SORCS3: variants seen among roughly 807,000 people sequenced by gnomAD.
SORCS3 encodes VPS10 domain-containing receptor SorCS3.
SORCS3 carries 57 observed loss-of-function variants against 146.3 expected under a neutral mutation model. The ratio of observed to expected loss-of-function variants is 0.39; its 90% CI spans 0.31 to 0.49. The LOEUF (loss-of-function observed/expected upper bound fraction) is 0.49, where lower values mean the gene tolerates loss of function less well. Ranked by LOEUF, SORCS3 falls within the 20% of genes least tolerant of loss-of-function variation. The probability of loss-of-function intolerance (pLI) is 0.92; values close to 1 mark genes in which losing one functional copy is unlikely to be tolerated. For synonymous variants in SORCS3, 653 were observed against 618.5 expected, an observed-to-expected ratio of 1.06 and a Z score of -0.83; for missense variants, 1,341 against 1,575.5, an observed-to-expected ratio of 0.85 and a Z score of 2.52.
intron 7 of SORCS3, among the ~76,000 whole-genome samples, chr10:105,133,105 C>G (rs563763369): frequency 3.6e-4 from 55 of 152,306 alleles, no homozygotes; most frequent in Non-Finnish European, 7.1e-4. Context: ...TGTGAGGACT[C>G]TGCCCCTGAA....
intron 2 of SORCS3, among the ~76,000 whole-genome samples, chr10:104,906,959 T>C (rs2018910921): frequency 6.6e-6 from 1 of 152,202 alleles, no homozygotes; most frequent in Non-Finnish European, 1.5e-5. Flanking sequence ...TATTTTCCAC[T>C]AGATTTTATA....
Position 104,977,505 on chromosome 10 carries a change from C to T in SORCS3, c.954+12C>T, listed in dbSNP as rs776903997. On this transcript the variant is annotated intron_variant, in intron 4 of 26. Coordinates refer to ENST00000369701, the MANE Select transcript of SORCS3 (RefSeq NM_014978.3). ...GTTTGGATCAAAAGGTGAATAAATA[C>T]TATTTTCATTTACTTCTTGTCATCC... 14 of 1,586,538 alleles carry T rather than the reference C, an allele frequency of 8.8e-6. No homozygotes were observed. The highest frequency in any genetic ancestry group is 3.5e-5 in the Admixed American group (2 of 56,848).
At chr10:105,077,929 C>T (rs974109830) in intron 5 of SORCS3, among the ~76,000 whole-genome samples, 4 of 152,136 alleles carry the variant, frequency 2.6e-5, no homozygotes, top group African/African-American at 7.2e-5. Context: ...GGGGGAATAT[C>T]TATAATTTGG....
intron 2 of SORCS3, among the ~76,000 whole-genome samples, chr10:104,888,610 A>C (rs1353570699): frequency 6.6e-6 from 1 of 152,220 alleles, no homozygotes; most frequent in Non-Finnish European, 1.5e-5. Context: ...AATGGCAGGA[A>C]ATTTGTAGAT....
intron 14 of SORCS3, among the ~76,000 whole-genome samples, chr10:105,194,425 A>G (rs1200023836): frequency 1.3e-5 from 2 of 152,186 alleles, no homozygotes; most frequent in African/African-American, 4.8e-5. Context: ...GGGTTTGATT[A>G]TGTTGGTGAA....
At chr10:104,797,851 G>GT (rs2017575279) in intron 1 of SORCS3, among the ~76,000 whole-genome samples, 1 of 152,106 alleles carries the variant, frequency 6.6e-6, no homozygotes, top group South Asian at 2.1e-4. Context: ...GAGAAAAAAA[G>GT]TATCTTGGGT....
At chr10:105,173,184 C>T (rs1389345787) in intron 13 of SORCS3, among the ~76,000 whole-genome samples, 1 of 152,078 alleles carries the variant, frequency 6.6e-6, no homozygotes, top group Non-Finnish European at 1.5e-5. Context: ...TGGTGGTAAG[C>T]GCCTGTAGTC....
At chr10:104,918,900 T>A (rs1013702608) in intron 3 of SORCS3, among the ~76,000 whole-genome samples, 2 of 152,242 alleles carry the variant, frequency 1.3e-5, no homozygotes, top group Admixed American at 1.3e-4. Flanking sequence ...TTTGTACCTG[T>A]TTGTATCTGT....
intron 20 of SORCS3, among the ~76,000 whole-genome samples, chr10:105,240,832 A>G (rs1178511410): frequency 6.6e-6 from 1 of 152,048 alleles, no homozygotes; most frequent in Admixed American, 6.6e-5. Flanking sequence ...TCTCCAGTCC[A>G]GTCTCCAGAA....
intron 6 of SORCS3, among the ~76,000 whole-genome samples, chr10:105,098,876 A>G (rs2055764725): frequency 6.6e-6 from 1 of 152,180 alleles, no homozygotes; most frequent in Non-Finnish European, 1.5e-5. Context: ...TGAGATATTC[A>G]GTGTCACTTT....
intron 1 of SORCS3, among the ~76,000 whole-genome samples, chr10:104,831,636 G>C (rs539373576): frequency 6.6e-6 from 1 of 152,324 alleles, no homozygotes; most frequent in Non-Finnish European, 1.5e-5. Flanking sequence ...TCAGGGAAAG[G>C]AGTTTATGAG....
chr10:104,955,132 C>G (rs895975469), intron 3 of SORCS3, among the ~76,000 whole-genome samples: 2 of 151,714 alleles, frequency 1.3e-5, no homozygotes, highest in African/African-American at 4.8e-5. Flanking sequence ...AGCATTTTAT[C>G]ACCCCCAAAA....
intron 3 of SORCS3, among the ~76,000 whole-genome samples, chr10:104,971,792 G>C (rs188667702): frequency 6.6e-6 from 1 of 152,230 alleles, no homozygotes; most frequent in African/African-American, 2.4e-5. Flanking sequence ...GATAATAAGA[G>C]AAAATTGAGT....
At chr10:105,064,861 A>G (rs556316901) in intron 5 of SORCS3, among the ~76,000 whole-genome samples, 16 of 152,200 alleles carry the variant, frequency 1.1e-4, no homozygotes, top group Non-Finnish European at 1.9e-4. Flanking sequence ...TCACACGCCA[A>G]TCTCCTTTGG....
intron 7 of SORCS3, among the ~76,000 whole-genome samples, chr10:105,112,610 A>G (rs1195348411): frequency 6.6e-6 from 1 of 152,148 alleles, no homozygotes; most frequent in East Asian, 1.9e-4. Context: ...CCAGTCTATC[A>G]AAGAATGGCC....
chr10:104,875,656 G>A (rs1433744149), intron 2 of SORCS3, among the ~76,000 whole-genome samples: 14 of 152,176 alleles, frequency 9.2e-5, no homozygotes, highest in Non-Finnish European at 2.1e-4. Context: ...AGTTGTGAGT[G>A]AGACCCAGCT....
intron 1 of SORCS3, among the ~76,000 whole-genome samples, chr10:104,724,707 T>C (rs1389285900): frequency 6.6e-6 from 1 of 152,214 alleles, no homozygotes; most frequent in Admixed American, 6.5e-5. Flanking sequence ...ACTTCTCTTC[T>C]TGCTTCATTT....
At chr10:104,826,360 A>T (rs1423475280) in intron 1 of SORCS3, among the ~76,000 whole-genome samples, 1 of 152,054 alleles carries the variant, frequency 6.6e-6, no homozygotes, top group Non-Finnish European at 1.5e-5. Context: ...TTTCATCTAC[A>T]CCCCATTAGG....
At chr10:104,805,961 CT>C (rs1371068365) in intron 1 of SORCS3, among the ~76,000 whole-genome samples, 1 of 152,192 alleles carries the variant, frequency 6.6e-6, no homozygotes, top group Non-Finnish European at 1.5e-5. Context: ...TATCCTGCTT[CT>C]CTTCTTACAG....
Sources: gnomAD v4.1 joint callset for allele counts (sites outside exome capture counted in the v4.1 genomes callset) on GRCh38, gnomAD v4.1.1 for gene constraint, MANE v1.5 for transcripts, NCBI Gene and HGNC (gene_info 2026-07-23, HGNC 2026-07-21) for gene names.